Variants in GRB2 observed in about 807,000 individuals in gnomAD.
GRB2 encodes the protein growth factor receptor bound protein 2.
A neutral mutation model predicts 27.4 loss-of-function variants in GRB2; 2 were observed. That is an observed-to-expected ratio of 0.07 (90% CI 0.03 to 0.23). The LOEUF (loss-of-function observed/expected upper bound fraction) is 0.23, where lower values mean the gene tolerates loss of function less well. Ranked by LOEUF, GRB2 falls within the 10% of genes least tolerant of loss-of-function variation. The pLI is 1.00. For missense variants in GRB2, 102 were observed against 282.4 expected (o/e 0.36, Z 4.58); for synonymous variants, 94 against 99.6 (o/e 0.94, Z 0.33).
intron 1 of GRB2, among the ~76,000 whole-genome samples, chr17:75,397,614 T>C (rs993490545): frequency 3.3e-5 from 5 of 152,198 alleles, no homozygotes; most frequent in African/African-American, 4.8e-5. Context: ...TATAGCTTAG[T>C]GTTGAATCTT....
At chr17:75,353,906 G>A (rs1338832715) in intron 2 of GRB2, among the ~76,000 whole-genome samples, 3 of 151,800 alleles carry the variant, frequency 2.0e-5, no homozygotes, top group Non-Finnish European at 2.9e-5. Context: ...CAAGCATGGT[G>A]GTGCATGCCT....
intron 2 of GRB2, among the ~76,000 whole-genome samples, chr17:75,343,136 G>A (rs1306798904): frequency 6.6e-6 from 1 of 151,570 alleles, no homozygotes; most frequent in Non-Finnish European, 1.5e-5. Flanking sequence ...GATAAAGGGG[G>A]CTGGACCAGG....
intron 2 of GRB2, among the ~76,000 whole-genome samples, chr17:75,333,828 G>A (rs1182977106): frequency 1.3e-5 from 2 of 152,172 alleles, no homozygotes; most frequent in Admixed American, 1.3e-4. Context: ...TGGAAATCCT[G>A]GAACTGAACC....
At chr17:75,339,055 T>C in intron 2 of GRB2, 1 of 1,311,454 alleles carries the variant, frequency 7.6e-7, no homozygotes, top group Non-Finnish European at 1.1e-6. Flanking sequence ...TGAGCCCAAC[T>C]GCAGATCTAA....
intron 2 of GRB2, among the ~76,000 whole-genome samples, chr17:75,343,355 C>T (rs1434336272): frequency 6.6e-6 from 1 of 151,960 alleles, no homozygotes; most frequent in Non-Finnish European, 1.5e-5. Context: ...TTTGATTCAC[C>T]CACTGACCAG....
chr17:75,382,084 G>A (rs972770573), intron 2 of GRB2, among the ~76,000 whole-genome samples: 8 of 152,056 alleles, frequency 5.3e-5, no homozygotes, highest in East Asian at 1.9e-4. Flanking sequence ...TAAGCTGGGC[G>A]TGGAGGCACG....
chr17:75,386,045 T>C (rs572171072), intron 2 of GRB2, among the ~76,000 whole-genome samples: 1 of 152,198 alleles, frequency 6.6e-6, no homozygotes, highest in East Asian at 1.9e-4. Context: ...TTTTTCTAGG[T>C]GGTATATACA....
chr17:75,393,823 T>C lies in GRB2; in HGVS notation c.-137-58A>G. The C allele has an allele frequency of 5.4e-6, 3 of 554,620 alleles. No individual in the cohort carries two copies. In the South Asian group the frequency reaches 6.8e-5, roughly 13 times the overall value. The allele number at this position is 554,620 out of a possible 1,614,324, so 34.4% of individuals were successfully genotyped here. The stretch of plus-strand genomic sequence containing the variant: ...GCCAGGATTGAAGGCAACCCCGCCC[T>C]GCCAATCGGCCTGCTGTCCCAGCCC... On this transcript the variant is annotated intron_variant, in intron 1 of 5. Coordinates refer to ENST00000316804, the MANE Select transcript of GRB2 (RefSeq NM_002086.5).
chr17:75,376,026 GAAAAAAA>G (rs58559493), intron 2 of GRB2, among the ~76,000 whole-genome samples: 3 of 65,410 alleles, frequency 4.6e-5, no homozygotes, highest in Admixed American at 2.2e-4. Context: ...CTCCGTCTCA[GAAAAAAA>G]AAAAAAAAAA....
chr17:75,401,498 G>T (rs1358521018), intron 1 of GRB2, among the ~76,000 whole-genome samples: 1 of 149,522 alleles, frequency 6.7e-6, no homozygotes. Flanking sequence ...ATCTCTGCTA[G>T]CGAGATCACA....
At chr17:75,358,720 A>C (rs561467124) in intron 2 of GRB2, among the ~76,000 whole-genome samples, 40 of 146,194 alleles carry the variant, frequency 2.7e-4, no homozygotes, top group South Asian at 2.1e-3. Context: ...AAAAAAAAAA[A>C]AAAAAACAAA....
chr17:75,322,873 A>G (rs1029217578), intron 4 of GRB2, among the ~76,000 whole-genome samples: 14 of 152,020 alleles, frequency 9.2e-5, no homozygotes, highest in African/African-American at 3.4e-4. Context: ...TAATCCCAGC[A>G]CTTTGGGAGG....
At chr17:75,322,846 G>A (rs1311724945) in intron 4 of GRB2, among the ~76,000 whole-genome samples, 1 of 152,100 alleles carries the variant, frequency 6.6e-6, no homozygotes, top group Non-Finnish European at 1.5e-5. Context: ...TCGGCCGGAT[G>A]CGGTGGCTCA....
At chr17:75,350,235 GA>G (rs35602764) in intron 2 of GRB2, among the ~76,000 whole-genome samples, 12,330 of 130,906 alleles carry the variant, frequency 0.094, 697 homozygotes, top group Middle Eastern at 0.24. Context: ...TCTCTGAGGG[GA>G]AAAAAAAAAA....
intron 3 of GRB2, among the ~76,000 whole-genome samples, chr17:75,329,774 C>T (rs955295937): frequency 6.6e-6 from 1 of 152,006 alleles, no homozygotes. Context: ...CAGCTGTAGA[C>T]GCAGCAACTT....
intron 2 of GRB2, among the ~76,000 whole-genome samples, chr17:75,347,571 T>G (rs1440806779): frequency 6.6e-6 from 1 of 152,116 alleles, no homozygotes; most frequent in African/African-American, 2.4e-5. Flanking sequence ...CCTCCTCCGC[T>G]CCTGAAAGCT....
intron 2 of GRB2, among the ~76,000 whole-genome samples, chr17:75,381,207 A>C (rs2078925398): frequency 6.6e-6 from 1 of 152,226 alleles, no homozygotes; most frequent in South Asian, 2.1e-4. Flanking sequence ...TAACATTTTA[A>C]ATTCACTACA....
chr17:75,358,427 C>T (rs1469514517), intron 2 of GRB2, among the ~76,000 whole-genome samples: 1 of 152,072 alleles, frequency 6.6e-6, no homozygotes, highest in Non-Finnish European at 1.5e-5. Flanking sequence ...TGCATTCTAG[C>T]CTCTTTCCAT....
In GRB2 at chr17:75,332,775, T is replaced by C; in HGVS notation, c.101A>G (p.Gln34Arg). The C allele has an allele frequency of 1.9e-6, 3 of 1,608,562 alleles. No individual in the cohort carries two copies. The highest frequency in any genetic ancestry group is 2.5e-6 in the Non-Finnish European group (3 of 1,176,480). The change falls in exon 3 of 6, where the codon CAG becomes CGG. Residue 34 changes from glutamine to arginine, a missense_variant. Gln to Arg is a conservative substitution (Grantham distance 43). Coordinates refer to ENST00000316804, the MANE Select transcript of GRB2 (RefSeq NM_002086.5). The stretch of plus-strand genomic sequence containing the variant: ...ATTAAGCTCTGCCTTGTACCAGTTC[T>C]GATCACATTCTTCGTTCAAAACCTG... ...ILKVLNEECDQNWYKAELNGK... is the reference protein window; with the variant it reads ...ILKVLNEECDRNWYKAELNGK...
Sources: allele counts gnomAD v4.1 joint callset (sites outside exome capture counted in the v4.1 genomes callset), GRCh38; gene constraint gnomAD v4.1.1; transcripts MANE v1.5; gene names NCBI Gene and HGNC (gene_info 2026-07-23, HGNC 2026-07-21).